VRK1: variants seen among roughly 807,000 people sequenced by gnomAD.
The protein encoded by VRK1 is VRK serine/threonine kinase 1.
Under a neutral mutation model 57.1 loss-of-function variants are expected in VRK1, and 33 were observed. That is an observed-to-expected ratio of 0.58 (90% CI 0.44 to 0.77). The LOEUF (loss-of-function observed/expected upper bound fraction) is 0.77. VRK1 is among the 30% of genes least tolerant of loss of function. The pLI, the probability that VRK1 is intolerant of heterozygous loss-of-function variation, is 0.00. For missense variants in VRK1, 413 were observed against 477.3 expected (o/e 0.87, Z 1.25); for synonymous variants, 137 against 147.8 (o/e 0.93, Z 0.53).
intron 11 of VRK1, among the ~76,000 whole-genome samples, chr14:96,871,471 T>C (rs138016762): frequency 7.9e-4 from 120 of 152,358 alleles, no homozygotes; most frequent in African/African-American, 2.6e-3. Flanking sequence ...TGGACACTTA[T>C]GTAAGAACAC....
intron 1 of VRK1, among the ~76,000 whole-genome samples, chr14:96,830,393 C>A (rs1408009993): frequency 6.7e-6 from 1 of 149,684 alleles, no homozygotes; most frequent in African/African-American, 2.5e-5. Flanking sequence ...TTGTTTTTTT[C>A]CTTTTCACTT....
chr14:96,871,000 C>A (rs1888799581), intron 11 of VRK1, among the ~76,000 whole-genome samples: 1 of 152,144 alleles, frequency 6.6e-6, no homozygotes, highest in Non-Finnish European at 1.5e-5. Context: ...GAGCAATCAA[C>A]CCTGATAGCC....
At chr14:96,864,990 A>G (rs1453088804) in intron 11 of VRK1, among the ~76,000 whole-genome samples, 1 of 152,002 alleles carries the variant, frequency 6.6e-6, no homozygotes, top group Non-Finnish European at 1.5e-5. Context: ...TATGTAAACA[A>G]TGTATGTGTT....
At chr14:96,862,731 A>T (rs572966491) in intron 11 of VRK1, among the ~76,000 whole-genome samples, 2 of 152,298 alleles carry the variant, frequency 1.3e-5, no homozygotes, top group Admixed American at 6.5e-5. Context: ...AGCAAGATCT[A>T]TAACCCAGAT....
At chr14:96,846,237 C>A in intron 4 of VRK1, 73 bp downstream of exon 4, 1 of 1,374,010 alleles carries the variant, frequency 7.3e-7, no homozygotes. Context: ...AGACCTAGAG[C>A]ATTGTATCTT....
In VRK1 at chr14:96,817,905, C is replaced by T. The variant is rs919423391; in HGVS notation, c.-5-15562C>T. Among the ~76,000 whole-genome samples the T allele has an allele frequency of 1.3e-5, 2 of 152,284 alleles. 1 individual carries two copies. ...ATAAGGTCAAGGAGCCAGGTGTCACCGCTTTTTGAAGTTGACATCTTTTGG... is the reference window on the plus strand; with the variant it reads ...ATAAGGTCAAGGAGCCAGGTGTCACTGCTTTTTGAAGTTGACATCTTTTGG... On this transcript the variant is annotated intron_variant, in intron 1 of 12. Transcript: ENST00000216639.
At chr14:96,845,554 G>A (rs569452574) in intron 3 of VRK1, among the ~76,000 whole-genome samples, 19 of 152,284 alleles carry the variant, frequency 1.2e-4, no homozygotes, top group African/African-American at 4.6e-4. Context: ...AAGGAAGGAT[G>A]CAGGTTAGTG....
chr14:96,816,082 A>G (rs1039224795), intron 1 of VRK1, among the ~76,000 whole-genome samples: 1 of 152,106 alleles, frequency 6.6e-6, no homozygotes, highest in African/African-American at 2.4e-5. Flanking sequence ...AAAGCAAGGA[A>G]AAGCTCCAAG....
intron 2 of VRK1, among the ~76,000 whole-genome samples, chr14:96,835,109 T>A (rs1887164429): frequency 6.6e-6 from 1 of 152,208 alleles, no homozygotes; most frequent in Non-Finnish European, 1.5e-5. Flanking sequence ...AATAAAACTT[T>A]ACTTTTGTAA....
intron 11 of VRK1, 128 bp from the exon 12 acceptor site, chr14:96,875,899 ATTC>A (rs1889008336): frequency 2.1e-6 from 2 of 940,832 alleles, no homozygotes; most frequent in African/African-American, 3.3e-5. Flanking sequence ...AGTTGAGAAT[ATTC>A]TTCCTGTGTG....
intron 11 of VRK1, among the ~76,000 whole-genome samples, chr14:96,869,067 A>G (rs1258356921): frequency 6.6e-6 from 1 of 152,178 alleles, no homozygotes; most frequent in Non-Finnish European, 1.5e-5. Context: ...TGCTGGGATT[A>G]CAGGTGTGAG....
At chr14:96,878,541 T>G (rs1321865897) in intron 12 of VRK1, among the ~76,000 whole-genome samples, 2 of 152,208 alleles carry the variant, frequency 1.3e-5, no homozygotes, top group African/African-American at 4.8e-5. Context: ...TGGGAGCAAC[T>G]TTCCTTTAAT....
chr14:96,841,926 C>G (rs778413560), intron 3 of VRK1, among the ~76,000 whole-genome samples: 4 of 151,990 alleles, frequency 2.6e-5, no homozygotes, highest in Non-Finnish European at 5.9e-5. Flanking sequence ...CTTCTATTTG[C>G]TTCTTTTCCC....
intron 1 of VRK1, among the ~76,000 whole-genome samples, 191 bp downstream of exon 1, chr14:96,797,638 G>A (rs1470666250): frequency 6.6e-6 from 1 of 152,098 alleles, no homozygotes; most frequent in Non-Finnish European, 1.5e-5. Context: ...GCCTGCGCGG[G>A]CGTCCGCTCC....
At chr14:96,830,260 A>G (rs969521014) in intron 1 of VRK1, among the ~76,000 whole-genome samples, 13 of 152,092 alleles carry the variant, frequency 8.5e-5, no homozygotes, top group Non-Finnish European at 1.5e-4. Context: ...GAAGTTCAGG[A>G]AAGTTTTCTT....
intron 1 of VRK1, among the ~76,000 whole-genome samples, chr14:96,820,198 A>G (rs905619157): frequency 6.6e-5 from 10 of 152,122 alleles, no homozygotes; most frequent in Non-Finnish European, 1.3e-4. Flanking sequence ...TGTAGTGTAG[A>G]ATAAGACAAG....
At chr14:96,862,825 CA>C (rs1888443055) in intron 11 of VRK1, among the ~76,000 whole-genome samples, 1 of 152,066 alleles carries the variant, frequency 6.6e-6, no homozygotes, top group Non-Finnish European at 1.5e-5. Context: ...ATAATTAGTA[CA>C]TTTGTTTCCT....
intron 4 of VRK1, 31 bp from the exon 5 acceptor site, chr14:96,847,226 T>TG (rs746095522): frequency 1.0e-5 from 16 of 1,579,512 alleles, no homozygotes; most frequent in Non-Finnish European, 1.4e-5. Flanking sequence ...GTATAACAAT[T>TG]GAAATCACAA....
intron 3 of VRK1, among the ~76,000 whole-genome samples, chr14:96,838,310 A>G (rs1385093625): frequency 6.6e-6 from 1 of 152,160 alleles, no homozygotes; most frequent in East Asian, 1.9e-4. Context: ...TGTTGAAATT[A>G]GTTTGTAATG....
Sources: gnomAD v4.1 joint callset for allele counts (sites outside exome capture counted in the v4.1 genomes callset) on GRCh38, gnomAD v4.1.1 for gene constraint, MANE v1.5 for transcripts, NCBI Gene and HGNC (gene_info 2026-07-23, HGNC 2026-07-21) for gene names.